IFI6: variants seen among roughly 807,000 people sequenced by gnomAD.
IFI6 encodes interferon alpha-inducible protein 6.
In IFI6, 10 loss-of-function variants were observed where a neutral mutation model predicts 12.7. That is an observed-to-expected ratio of 0.79 (90% CI 0.49 to 1.33). The LOEUF (loss-of-function observed/expected upper bound fraction) is 1.33. Ranked by LOEUF, IFI6 falls within the 40% of genes most tolerant of loss-of-function variation. The pLI is 0.00. For synonymous variants in IFI6, 89 were observed against 86.2 expected (o/e 1.03, Z -0.18); for missense variants, 154 against 180.4 (o/e 0.85, Z 0.84).
Position 27,669,355 on chromosome 1 carries a change from G to C in IFI6, c.-32-9C>G, listed in dbSNP as rs1249093375. 7 of 1,517,284 alleles carry C rather than the reference G, an allele frequency of 4.6e-6. No individual in the cohort carries two copies. Among genetic ancestry groups the C allele is most frequent in the Non-Finnish European group, 5.4e-6 (6 of 1,115,958 alleles). 94.0% of individuals were successfully genotyped at this position (1,517,284 alleles called of 1,614,324 possible). A position where few individuals can be genotyped will look rare whatever the true frequency, so the allele number is the denominator to read the frequency against. On this transcript the variant is annotated splice_polypyrimidine_tract_variant and intron_variant, in intron 1 of 4. Transcript: ENST00000361157. ...GGGCTCCGTCACTAGACCTGCGAAC[G>C]GGCGAGAGGGAGATGGTCCCCGGAG...
At chr1:27,670,333 C>T (rs1331838267) in intron 1 of IFI6, 1 of 152,162 alleles carries the variant, frequency 6.6e-6, no homozygotes, top group East Asian at 1.9e-4. Flanking sequence ...ATTGCTCAGG[C>T]TGGAGTGCAG....
intron 1 of IFI6, among the ~76,000 whole-genome samples, chr1:27,671,765 A>G (rs2090406180): frequency 6.6e-6 from 1 of 152,166 alleles, no homozygotes; most frequent in African/African-American, 2.4e-5. Context: ...ATTGGATCCT[A>G]TAATAAAGGG....
In IFI6 at chr1:27,671,688, C is replaced by T. The variant is rs2090405769; in HGVS notation, c.-33+435G>A. 2.6e-5 allele frequency among the ~76,000 whole-genome samples: 4 copies of T among 152,162 alleles called. No individual in the cohort carries two copies. The Middle Eastern group carries it at 0.01, about 388-fold the overall frequency. On this transcript the variant is annotated intron_variant, in intron 1 of 4. Coordinates refer to ENST00000361157, the MANE Select transcript of IFI6 (RefSeq NM_002038.4). ...GGCGTGAACCACCACGCCCGGCCAC[C>T]AAGCCCACATTTTTAACAACCACTC...
At chr1:27,669,606 A>G (rs2090389137) in intron 1 of IFI6, 1 of 428,076 alleles carries the variant, frequency 2.3e-6, no homozygotes. Context: ...GCAGATGTCA[A>G]TATCATGACT....
rs145877801 is a variant in IFI6, at chr1:27,666,151, C to T, written c.*230G>A. ...AGTTCTGGATTCTGGGCATCGTCGG[C>T]GCATGCTTGTAATCCTACTTGGGAG... On this transcript the variant is annotated 3_prime_UTR_variant, in exon 5 of 5. Transcript: ENST00000361157. 1.8e-4 allele frequency: 71 copies of T among 398,032 alleles called. No individual in the cohort carries two copies. The highest frequency in any genetic ancestry group is 3.2e-4 in the East Asian group (8 of 24,704). 24.7% of individuals were successfully genotyped at this position (398,032 alleles called of 1,614,324 possible). A position where few individuals can be genotyped will look rare whatever the true frequency, so the allele number is the denominator to read the frequency against.
intron 2 of IFI6, 132 bp from the exon 3 acceptor site, chr1:27,668,667 G>C: frequency 1.4e-6 from 1 of 698,674 alleles, no homozygotes; most frequent in Non-Finnish European, 2.4e-6. Flanking sequence ...GCCTCACAGA[G>C]GGGAAGGGAC....
At position 27,666,289 on chromosome 1, in the gene IFI6, CAAAAAA is replaced by C. The variant is rs10649401; in HGVS notation, c.*86_*91del. The stretch of plus-strand genomic sequence containing the variant: ...TGGACAATATAGTGAGAACCCATCT[CAAAAAA>C]AAAAAAAAAAAAAAAAAGGCAAAGT... On this transcript the variant is annotated 3_prime_UTR_variant, in exon 5 of 5. Transcript: ENST00000361157. 1.0e-3 allele frequency: 264 copies of C among 255,968 alleles called. 1 individual carries two copies. The highest frequency in any genetic ancestry group is 7.2e-4 in the East Asian group (8 of 11,052). 15.9% of individuals were successfully genotyped at this position (255,968 alleles called of 1,614,324 possible). A position where few individuals can be genotyped will look rare whatever the true frequency, so the allele number is the denominator to read the frequency against.
intron 4 of IFI6, 82 bp downstream of exon 4, chr1:27,668,144 C>A (rs1445016341): frequency 3.0e-5 from 37 of 1,218,390 alleles, no homozygotes; most frequent in Non-Finnish European, 3.9e-5. Context: ...TTACTTAATT[C>A]CTGAGTGCCT....
At chr1:27,666,752 G>A (rs1388314942) in intron 4 of IFI6, among the ~76,000 whole-genome samples, 1 of 152,174 alleles carries the variant, frequency 6.6e-6, no homozygotes, top group Non-Finnish European at 1.5e-5. Context: ...CACCTTCGTG[G>A]AGCCCTGTGT....
intron 1 of IFI6, among the ~76,000 whole-genome samples, chr1:27,671,078 T>C (rs1261918445): frequency 6.6e-6 from 1 of 152,198 alleles, no homozygotes; most frequent in Non-Finnish European, 1.5e-5. Context: ...ACCACAAAAC[T>C]GGAAAATGCA....
intron 2 of IFI6, 95 bp downstream of exon 2, chr1:27,669,138 CGCATCTTTACCT>C (rs2090383548): frequency 8.0e-7 from 1 of 1,242,618 alleles, no homozygotes; most frequent in Admixed American, 2.0e-5. Context: ...CATCCTTACC[CGCATCTTTACCT>C]GCATCCTTAC....
intron 1 of IFI6, chr1:27,669,568 G>A (rs748693418): frequency 6.0e-6 from 3 of 497,818 alleles, no homozygotes; most frequent in African/African-American, 3.9e-5. Flanking sequence ...GTGCGGATTC[G>A]CACGGTGTTT....
intron 4 of IFI6, among the ~76,000 whole-genome samples, chr1:27,666,962 A>G (rs1320233663): frequency 6.8e-6 from 1 of 147,624 alleles, no homozygotes; most frequent in Non-Finnish European, 1.5e-5. Context: ...TTCAGAATTG[A>G]GAGAAGAGAA....
chr1:27,667,282 G>A (rs1419114468), intron 4 of IFI6, among the ~76,000 whole-genome samples: 5 of 150,792 alleles, frequency 3.3e-5, no homozygotes, highest in East Asian at 1.9e-4. Context: ...AGTGTGTGGC[G>A]GTATGCGCCT....
At chr1:27,670,714 T>C (rs2090397926) in intron 1 of IFI6, among the ~76,000 whole-genome samples, 1 of 152,234 alleles carries the variant, frequency 6.6e-6, no homozygotes, top group Non-Finnish European at 1.5e-5. Context: ...GACCTCCTTG[T>C]ATTCGGCTAT....
At position 27,670,383 on chromosome 1, in the gene IFI6, C is replaced by T. The variant is rs373546239; in HGVS notation, c.-32-1037G>A. The T allele has an allele frequency of 6.6e-5, 10 of 152,222 alleles. No homozygotes were observed. In the East Asian group the frequency reaches 1.5e-3, roughly 23 times the overall value. The allele number at this position is 152,222 out of a possible 1,614,324, so 9.4% of individuals were successfully genotyped here. A position where few individuals can be genotyped will look rare whatever the true frequency, so the allele number is the denominator to read the frequency against. ...CTCACTGAGACCTTCGCCTCCCAGG[C>T]TCAAGTGATCCTCCCACCTCAGCCT... On this transcript the variant is annotated intron_variant, in intron 1 of 4. Transcript: ENST00000361157.
Position 27,668,315 on chromosome 1 carries a change from G to A in IFI6, c.209C>T (p.Ser70Leu), listed in dbSNP as rs1199501682. 10 of 1,576,024 alleles carry A rather than the reference G, an allele frequency of 6.3e-6. No homozygotes were observed. The highest frequency in any genetic ancestry group is 1.7e-4 in the Middle Eastern group (1 of 5,734). ...CCAGCTCATCAGCGAGGCAGCCACC[G>A]AGTTGGCCGCGATGCCGGCGCCGGT... Reference protein sequence around the residue: ...GFTGAGIAANSVAASLMSWSA... With the variant: ...GFTGAGIAANLVAASLMSWSA... Residue 70 changes from serine (S) to leucine (L), a missense_variant, in exon 4 of 5, where the codon TCG becomes TTG. By Grantham distance (145) the Ser-to-Leu change is moderately radical. Transcript: ENST00000361157.
In IFI6 at chr1:27,671,305, A is replaced by G. The variant is rs568771431; in HGVS notation, c.-33+818T>C. Among the ~76,000 whole-genome samples, 4 of 152,088 alleles carry G rather than the reference A, an allele frequency of 2.6e-5. No homozygotes were observed. In the South Asian group the frequency reaches 8.3e-4, roughly 32 times the overall value. ...CTGAAGCTCAGAGAGGTTAAGTAAT[A>G]TTCCCAAGGCTGCCTAGCCAGGTCA... On this transcript the variant is annotated intron_variant, in intron 1 of 4. Coordinates refer to ENST00000361157, the MANE Select transcript of IFI6 (RefSeq NM_002038.4).
chr1:27,668,275 A>T lies in IFI6; in HGVS notation c.249T>A (p.Asn83Lys), dbSNP rs949177814. ...GCCCCCCGGCGGGCACGCCGCCCCCATTCAGGATCGCAGACCAGCTCATCA... is the reference window on the plus strand; with the variant it reads ...GCCCCCCGGCGGGCACGCCGCCCCCTTTCAGGATCGCAGACCAGCTCATCA... Reference protein sequence around the residue: ...ASLMSWSAILNGGGVPAGGLV... With the variant: ...ASLMSWSAILKGGGVPAGGLV... The change falls in exon 4 of 5, where the codon AAT becomes AAA. Residue 83 changes from asparagine to lysine, a missense_variant. Transcript: ENST00000361157. 6.3e-7 allele frequency: 1 copy of T among 1,581,496 alleles called. No individual in the cohort carries two copies. The highest frequency in any genetic ancestry group is 8.6e-7 in the Non-Finnish European group (1 of 1,168,410).
Sources: gnomAD v4.1 joint callset for allele counts (sites outside exome capture counted in the v4.1 genomes callset) on GRCh38, gnomAD v4.1.1 for gene constraint, MANE v1.5 for transcripts, NCBI Gene and HGNC (gene_info 2026-07-23, HGNC 2026-07-21) for gene names.